Variants in CD81 observed in about 807,000 individuals in gnomAD.
CD81 encodes CD81 molecule.
Under a neutral mutation model 30.1 loss-of-function variants are expected in CD81, and 10 were observed. The ratio of observed to expected loss-of-function variants is 0.33; its 90% CI spans 0.21 to 0.56. The LOEUF (loss-of-function observed/expected upper bound fraction) is 0.56. Among genes scored for constraint, CD81 ranks in the 20% least tolerant of loss-of-function variants. The pLI is 0.89. For synonymous variants in CD81, 147 were observed against 126.4 expected, an observed-to-expected ratio of 1.16 and a Z score of -1.10; for missense variants, 263 against 308.7, an observed-to-expected ratio of 0.85 and a Z score of 1.11.
At position 2,377,546 on chromosome 11, in the gene CD81, C is replaced by A. The variant is rs769351886; in HGVS notation, c.-4C>A. 1.4e-6 allele frequency: 2 copies of A among 1,425,878 alleles called. No homozygotes were observed. The highest frequency in any genetic ancestry group is 9.3e-7 in the Non-Finnish European group (1 of 1,074,076). The allele number at this position is 1,425,878 out of a possible 1,614,324, so 88.3% of individuals were successfully genotyped here. ...CCCGCAGGCCGCCCGCCGCCCGCGC[C>A]GCCATGGGAGTGGAGGGCTGCACCA... On this transcript the variant is annotated 5_prime_UTR_variant, in exon 1 of 8. Coordinates refer to ENST00000263645, the MANE Select transcript of CD81 (RefSeq NM_004356.4). The surrounding 1 kb of genome is among the most constrained non-coding windows in gnomAD (Gnocchi z 7.7).
intron 1 of CD81, among the ~76,000 whole-genome samples, chr11:2,381,697 G>A (rs183513892): frequency 6.6e-6 from 1 of 152,330 alleles, no homozygotes; most frequent in East Asian, 1.9e-4. Flanking sequence ...AGAGGAGCCA[G>A]GTGCCCTGCC....
rs1850018542 is a variant in CD81, at chr11:2,396,846, C to T, written c.691C>T (p.Arg231Trp). The stretch of plus-strand genomic sequence containing the variant: ...GAGCATGGTGCTGTGCTGTGGCATC[C>T]GGAACAGCTCCGTGTACTGAGGCCC... Reference protein sequence around the residue: ...ILSMVLCCGIRNSSVY With the variant: ...ILSMVLCCGIWNSSVY The change falls in exon 8 of 8, where the codon CGG (arginine) becomes TGG (tryptophan). Residue 231 changes from arginine to tryptophan, a missense_variant. Arg to Trp is a moderately radical substitution (Grantham distance 101). This residue lies in a region of CD81 where 176 missense variants were observed against 192.9 expected (regional missense o/e 0.91). Transcript: ENST00000263645. 1 of 1,612,684 alleles carries T rather than the reference C, an allele frequency of 6.2e-7. No homozygotes were observed. Among genetic ancestry groups the T allele is most frequent in the Non-Finnish European group, 8.5e-7 (1 of 1,179,998 alleles).
chr11:2,396,810 G>A lies in CD81; in HGVS notation c.655G>A (p.Glu219Lys). The A allele has an allele frequency of 6.2e-7, 1 of 1,612,726 alleles. No individual in the cohort carries two copies. Among genetic ancestry groups the A allele is most frequent in the Non-Finnish European group, 8.5e-7 (1 of 1,180,012 alleles). Reference protein sequence around the residue: ...AIVVAVIMIFEMILSMVLCCG... With the variant: ...AIVVAVIMIFKMILSMVLCCG... Reference sequence around the variant, plus strand: ...CCCCACCACCCTCCTGCAGATCTTCGAGATGATCCTGAGCATGGTGCTGTG... The same window carrying A: ...CCCCACCACCCTCCTGCAGATCTTCAAGATGATCCTGAGCATGGTGCTGTG... The change falls in exon 8 of 8, where the codon GAG becomes AAG. Residue 219 changes from glutamate (E) to lysine (K), a missense_variant. By Grantham distance (56) the Glu-to-Lys change is moderately conservative (BLOSUM62 1). Coordinates refer to ENST00000263645, the MANE Select transcript of CD81 (RefSeq NM_004356.4).
At chr11:2,386,255 T>G (rs763358362) in intron 1 of CD81, 10 of 685,656 alleles carry the variant, frequency 1.5e-5, no homozygotes, top group Admixed American at 1.5e-4. Context: ...GGGTTGCCAG[T>G]TTTCTTGCTG....
At chr11:2,389,214 G>A (rs1267141113) in intron 1 of CD81, among the ~76,000 whole-genome samples, 1 of 152,188 alleles carries the variant, frequency 6.6e-6, no homozygotes. Context: ...ACCCTGTCTA[G>A]CAGGGAGGAG....
intron 1 of CD81, chr11:2,390,207 A>C (rs1307603621): frequency 1.5e-6 from 1 of 649,386 alleles, no homozygotes; most frequent in Non-Finnish European, 2.8e-6. Context: ...CCAGGCTCCA[A>C]GTAGATGGCG....
At chr11:2,395,703 T>A (rs2133465750) in intron 5 of CD81, 166 bp from the exon 6 acceptor site, 1 of 746,772 alleles carries the variant, frequency 1.3e-6, no homozygotes, top group East Asian at 2.7e-5. Context: ...TGGCCCAGGG[T>A]GCGGAAAGCT....
chr11:2,390,343 G>T, intron 1 of CD81, 69 bp from the exon 2 acceptor site: 1 of 1,219,462 alleles, frequency 8.2e-7, no homozygotes, highest in South Asian at 1.2e-5. Context: ...TAGGCCTTGC[G>T]TGTGGGGTGG....
intron 1 of CD81, 147 bp from the exon 2 acceptor site, chr11:2,390,265 A>G (rs1849874580): frequency 1.3e-6 from 1 of 742,490 alleles, no homozygotes; most frequent in Non-Finnish European, 2.4e-6. Context: ...TCTTCAGGGC[A>G]TTGCGAAAAC....
Position 2,396,825 on chromosome 11 carries a change from A to T in CD81, c.670A>T (p.Met224Leu). ...VIMIFEMILSMVLCCGIRNSS... is the reference protein window; with the variant it reads ...VIMIFEMILSLVLCCGIRNSS... Reference sequence around the variant, plus strand: ...GCAGATCTTCGAGATGATCCTGAGCATGGTGCTGTGCTGTGGCATCCGGAA... The same window carrying T: ...GCAGATCTTCGAGATGATCCTGAGCTTGGTGCTGTGCTGTGGCATCCGGAA... Residue 224 changes from methionine (M) to leucine (L), a missense_variant, in exon 8 of 8, where the codon ATG becomes TTG. Coordinates refer to ENST00000263645, the MANE Select transcript of CD81 (RefSeq NM_004356.4). The T allele has an allele frequency of 6.2e-7, 1 of 1,612,754 alleles. No homozygotes were observed. Among genetic ancestry groups the T allele is most frequent in the Non-Finnish European group, 8.5e-7 (1 of 1,179,986 alleles).
chr11:2,395,158 T>A, intron 4 of CD81, 112 bp downstream of exon 4: 1 of 915,888 alleles, frequency 1.1e-6, no homozygotes. Context: ...TTTGGGCTCT[T>A]CCTGGGTCCC....
Position 2,395,478 on chromosome 11 carries a change from C to T in CD81, c.417C>T (p.Asp139=), listed in dbSNP as rs766038235. ...TACAGCAGGCCGTGGTGGATGATGA[C>T]GCCAACAACGCCAAGGCTGTGGTGA... ...QALQQAVVDD[D]ANNAKAVVKT... The change falls in exon 5 of 8, where the codon GAC becomes GAT. Residue 139 remains aspartate, a synonymous_variant. Coordinates refer to ENST00000263645, the MANE Select transcript of CD81 (RefSeq NM_004356.4). 57 of 1,612,600 alleles carry T rather than the reference C, an allele frequency of 3.5e-5. No individual in the cohort carries two copies. Among genetic ancestry groups the T allele is most frequent in the Admixed American group, 5.0e-5 (3 of 60,000 alleles).
intron 1 of CD81, among the ~76,000 whole-genome samples, chr11:2,381,371 G>A (rs1374912499): frequency 1.3e-5 from 2 of 152,218 alleles, no homozygotes; most frequent in Non-Finnish European, 1.5e-5. Context: ...GTGCATGCCC[G>A]AAAGCCCTCC....
chr11:2,396,580 G>A, intron 6 of CD81, 48 bp from the exon 7 acceptor site: 1 of 1,482,800 alleles, frequency 6.7e-7, no homozygotes, highest in Non-Finnish European at 9.4e-7. Context: ...CGGGAAGCCG[G>A]GAGCCGAGGC....
At chr11:2,393,344 C>T (rs899139191) in intron 2 of CD81, 1 of 155,620 alleles carries the variant, frequency 6.4e-6, no homozygotes, top group South Asian at 2.0e-4. Flanking sequence ...ACGGCGCCTT[C>T]TCCCTCCCCA....
At chr11:2,386,008 C>G in intron 1 of CD81, 1 of 713,656 alleles carries the variant, frequency 1.4e-6, no homozygotes, top group South Asian at 1.5e-5. Flanking sequence ...TTCAAGGTGG[C>G]TGGACCGTTT....
In CD81 at chr11:2,377,542, G is replaced by A. The variant is rs745367425; in HGVS notation, c.-8G>A. On this transcript the variant is annotated 5_prime_UTR_variant, in exon 1 of 8. Transcript: ENST00000263645. This position sits in a 1 kb window ranked among gnomAD's most constrained non-coding sequence, Gnocchi z 7.7. The stretch of plus-strand genomic sequence containing the variant: ...GCGCCCCGCAGGCCGCCCGCCGCCC[G>A]CGCCGCCATGGGAGTGGAGGGCTGC... 5.0e-6 allele frequency: 7 copies of A among 1,402,264 alleles called. No individual in the cohort carries two copies. The highest frequency in any genetic ancestry group is 4.7e-4 in the Middle Eastern group (2 of 4,248). 86.9% of individuals were successfully genotyped at this position (1,402,264 alleles called of 1,614,324 possible). A position where few individuals can be genotyped will look rare whatever the true frequency, so the allele number is the denominator to read the frequency against.
In CD81 at chr11:2,378,406, G is replaced by A. The variant is rs1201995462; in HGVS notation, c.66+791G>A. Among the ~76,000 whole-genome samples the A allele has an allele frequency of 2.6e-5, 4 of 152,296 alleles. No individual in the cohort carries two copies. In the East Asian group the frequency reaches 7.8e-4, roughly 30 times the overall value. On this transcript the variant is annotated intron_variant, in intron 1 of 7. Transcript: ENST00000263645. This position sits in a 1 kb window ranked among gnomAD's most constrained non-coding sequence, Gnocchi z 4.9. ...CACAAGGAAGAGAGTGGCACCAGGG[G>A]CCTGGAGTGGATGGCAGGGTCCGGG...
intron 2 of CD81, chr11:2,391,136 C>G (rs79073497): frequency 0.06 from 12,452 of 208,804 alleles, 1,256 homozygotes; most frequent in African/African-American, 0.23. Context: ...GGAGGGCCAT[C>G]TCACTGTGCA....
Sources: allele counts gnomAD v4.1 joint callset (sites outside exome capture counted in the v4.1 genomes callset), GRCh38; gene constraint gnomAD v4.1.1; regional missense constraint gnomAD v4.1.1; non-coding constraint Gnocchi (gnomAD v3.1); transcripts MANE v1.5; gene names NCBI Gene and HGNC (gene_info 2026-07-23, HGNC 2026-07-21).